The following FAM171A1 variants were observed in gnomAD, a reference collection of about 807,000 sequenced individuals.
FAM171A1 encodes the protein protein FAM171A1.
A neutral mutation model predicts 74.9 loss-of-function variants in FAM171A1; 23 were observed. The observed-to-expected ratio is 0.31, with a 90% CI of 0.22 to 0.44. The LOEUF (loss-of-function observed/expected upper bound fraction) is 0.44. FAM171A1 is among the 20% of genes least tolerant of loss of function. The pLI is 1.00. For synonymous variants in FAM171A1, 527 were observed against 505.7 expected (o/e 1.04, Z -0.57); for missense variants, 1,162 against 1,159.2 (o/e 1.00, Z -0.03).
chr10:15,262,201 G>A (rs556363046), intron 3 of FAM171A1, among the ~76,000 whole-genome samples: 4 of 152,248 alleles, frequency 2.6e-5, no homozygotes, highest in Admixed American at 2.0e-4. Context: ...GAAAGATTCC[G>A]ATTTGTTTTT....
chr10:15,320,328 C>T (rs954583041), intron 1 of FAM171A1, among the ~76,000 whole-genome samples: 1 of 152,184 alleles, frequency 6.6e-6, no homozygotes, highest in African/African-American at 2.4e-5. Context: ...GCATAGTATT[C>T]CATGGCATAT....
At chr10:15,225,260 G>A (rs1396891840) in intron 5 of FAM171A1, among the ~76,000 whole-genome samples, 1 of 152,182 alleles carries the variant, frequency 6.6e-6, no homozygotes, top group Non-Finnish European at 1.5e-5. Flanking sequence ...AGCTACAGGT[G>A]CAATCAAAAA....
At position 15,213,024 on chromosome 10, in the gene FAM171A1, G is replaced by C; in HGVS notation, c.2564C>G (p.Ser855Cys). Residue 855 changes from serine to cysteine, a missense_variant, in exon 8 of 8, where the codon TCT (serine) becomes TGT (cysteine). Coordinates refer to ENST00000378116, the MANE Select transcript of FAM171A1 (RefSeq NM_001010924.2). The surrounding 1 kb of genome is among the most constrained non-coding windows in gnomAD (Gnocchi z 6.8). ...ATCGTCTTCCTCTTCCTCGTGGGCA[G>C]ATCTTCTCTGGTGGGGGCTGGCTGC... ...EPAASPHQRR[S>C]AHEEEEDDDD... 1 of 1,614,062 alleles carries C rather than the reference G, an allele frequency of 6.2e-7. No individual in the cohort carries two copies. Among genetic ancestry groups the C allele is most frequent in the Non-Finnish European group, 8.5e-7 (1 of 1,180,022 alleles).
In FAM171A1 at chr10:15,213,351, A is replaced by C. The variant is rs780546976; in HGVS notation, c.2237T>G (p.Met746Arg). The C allele has an allele frequency of 6.2e-7, 1 of 1,614,114 alleles. No individual in the cohort carries two copies. Among genetic ancestry groups the C allele is most frequent in the South Asian group, 1.1e-5 (1 of 91,076 alleles). ...NDASLDSGVDMNEPKSARKGR... is the reference protein window; with the variant it reads ...NDASLDSGVDRNEPKSARKGR... ...CTTCCGGGCTGATTTTGGTTCATTC[A>C]TATCTACGCCAGAGTCCAAACTGGC... The change falls in exon 8 of 8, where the codon ATG becomes AGG. Residue 746 changes from methionine to arginine, a missense_variant. Met to Arg is a moderately conservative substitution (Grantham distance 91, BLOSUM62 -1). Coordinates refer to ENST00000378116, the MANE Select transcript of FAM171A1 (RefSeq NM_001010924.2). This position sits in a 1 kb window ranked among gnomAD's most constrained non-coding sequence, Gnocchi z 6.8.
chr10:15,289,285 T>A (rs1262222146), intron 1 of FAM171A1, among the ~76,000 whole-genome samples: 1 of 152,158 alleles, frequency 6.6e-6, no homozygotes, highest in Non-Finnish European at 1.5e-5. Flanking sequence ...GACTCTCATT[T>A]ATAGGAAGAC....
At chr10:15,310,154 G>C (rs987673950) in intron 1 of FAM171A1, among the ~76,000 whole-genome samples, 4 of 152,208 alleles carry the variant, frequency 2.6e-5, no homozygotes, top group African/African-American at 9.6e-5. Flanking sequence ...CAATGCCTGT[G>C]TGGGGGCAGG....
intron 2 of FAM171A1, 63 bp downstream of exon 2, chr10:15,283,815 C>T (rs921164941): frequency 1.3e-6 from 2 of 1,533,154 alleles, no homozygotes; most frequent in Non-Finnish European, 1.8e-6. Flanking sequence ...AGACTCCTGG[C>T]CTTATGCGAT....
intron 5 of FAM171A1, among the ~76,000 whole-genome samples, chr10:15,245,206 T>G (rs535877265): frequency 6.6e-6 from 1 of 152,134 alleles, no homozygotes; most frequent in Non-Finnish European, 1.5e-5. Context: ...GCTGGGATTA[T>G]AGGCATGCAC....
At chr10:15,346,918 T>C (rs1004445358) in intron 1 of FAM171A1, among the ~76,000 whole-genome samples, 2 of 152,172 alleles carry the variant, frequency 1.3e-5, no homozygotes, top group African/African-American at 4.8e-5. Flanking sequence ...AGCCACTTTC[T>C]ACAGAGGGAC....
chr10:15,268,747 G>A (rs140620956), intron 3 of FAM171A1, among the ~76,000 whole-genome samples: 2 of 152,240 alleles, frequency 1.3e-5, no homozygotes, highest in African/African-American at 4.8e-5. Context: ...GGGACCAAGA[G>A]ATAGAAAGAA....
intron 1 of FAM171A1, among the ~76,000 whole-genome samples, chr10:15,302,586 A>G (rs1013332687): frequency 2.6e-5 from 4 of 151,520 alleles, no homozygotes; most frequent in Non-Finnish European, 5.9e-5. Context: ...AAGAAGCAGA[A>G]TCTGAAGGTT....
At chr10:15,243,447 T>G (rs78677697) in intron 5 of FAM171A1, among the ~76,000 whole-genome samples, 2 of 152,046 alleles carry the variant, frequency 1.3e-5, no homozygotes, top group South Asian at 2.1e-4. Flanking sequence ...CAAAAACTTC[T>G]TTAAGTTTGT....
chr10:15,302,614 GTGAGTGTTTTGTTTGTTTTTATAGCAC>G (rs1835245319), intron 1 of FAM171A1, among the ~76,000 whole-genome samples: 1 of 151,112 alleles, frequency 6.6e-6, no homozygotes, highest in African/African-American at 2.4e-5. Flanking sequence ...CCAAGCATTA[GTGAGTGTTTTGTTTGTTTTTATAGCAC>G]TGATCATCTT....
At chr10:15,234,464 A>C (rs1420140604) in intron 5 of FAM171A1, among the ~76,000 whole-genome samples, 1 of 152,184 alleles carries the variant, frequency 6.6e-6, no homozygotes, top group African/African-American at 2.4e-5. Flanking sequence ...TACACTCCAC[A>C]GACTGGCAGA....
intron 1 of FAM171A1, among the ~76,000 whole-genome samples, chr10:15,341,427 T>C (rs1157198389): frequency 1.3e-5 from 2 of 152,246 alleles, no homozygotes; most frequent in African/African-American, 2.4e-5. Context: ...TTTCGTAATA[T>C]ACATCTTTAA....
chr10:15,345,557 G>C (rs1408536281), intron 1 of FAM171A1, among the ~76,000 whole-genome samples: 2 of 152,168 alleles, frequency 1.3e-5, no homozygotes, highest in African/African-American at 4.8e-5. Flanking sequence ...TCATCAGTGA[G>C]GATATCCAGA....
chr10:15,346,388 C>G (rs1052096739), intron 1 of FAM171A1, among the ~76,000 whole-genome samples: 4 of 152,164 alleles, frequency 2.6e-5, no homozygotes, highest in East Asian at 3.9e-4. Flanking sequence ...TGAGCCACTA[C>G]GCCCAGCCCA....
intron 1 of FAM171A1, among the ~76,000 whole-genome samples, chr10:15,337,392 A>C (rs1465606501): frequency 6.6e-6 from 1 of 152,250 alleles, no homozygotes; most frequent in Non-Finnish European, 1.5e-5. Context: ...GAGTATCTTT[A>C]GTTTCAATAC....
chr10:15,266,783 T>C (rs1324311906), intron 3 of FAM171A1, among the ~76,000 whole-genome samples: 1 of 150,770 alleles, frequency 6.6e-6, no homozygotes, highest in African/African-American at 2.4e-5. Flanking sequence ...GTGAAAGGAT[T>C]GCTTGAGTCT....
Sources: gnomAD v4.1 joint callset for allele counts (sites outside exome capture counted in the v4.1 genomes callset) on GRCh38, gnomAD v4.1.1 for gene constraint, Gnocchi (gnomAD v3.1) non-coding constraint, MANE v1.5 for transcripts, NCBI Gene and HGNC (gene_info 2026-07-23, HGNC 2026-07-21) for gene names.